MSR1: variants seen among roughly 807,000 people sequenced by gnomAD.
MSR1 encodes the protein macrophage scavenger receptor types I and II.
In MSR1, 53 loss-of-function variants were observed where a neutral mutation model predicts 47.2. That is an observed-to-expected ratio of 1.12 (90% CI 0.90 to 1.41). MSR1 has a LOEUF of 1.41. Among genes scored for constraint, MSR1 ranks in the 40% most tolerant of loss-of-function variants. The probability of loss-of-function intolerance (pLI) is 0.00; values close to 1 mark genes in which losing one functional copy is unlikely to be tolerated. For synonymous variants in MSR1, 239 were observed against 185.6 expected (o/e 1.29, Z -2.34); for missense variants, 786 against 546.9 (o/e 1.44, Z -4.36).
rs1317927571 is a variant in MSR1, at chr8:16,144,611, C to G, written c.980-1000G>C. Among the ~76,000 whole-genome samples, 3 of 152,070 alleles carry G rather than the reference C, an allele frequency of 2.0e-5. No individual in the cohort carries two copies. The East Asian group carries it at 5.8e-4, about 29-fold the overall frequency. On this transcript the variant is annotated intron_variant, in intron 7 of 9. Transcript: ENST00000262101. ...TTGAGTTATTTTGCTCTGCTACTTA[C>G]TGGGTATGTGACTTGGGACAAGTCT...
chr8:16,114,035 A>G (rs1378296441), intron 9 of MSR1, among the ~76,000 whole-genome samples: 1 of 152,086 alleles, frequency 6.6e-6, no homozygotes, highest in East Asian at 1.9e-4. Context: ...CCAGCCCTAT[A>G]CTACTTTCCA....
chr8:16,132,464 T>C (rs766966366), intron 8 of MSR1, among the ~76,000 whole-genome samples: 4 of 152,068 alleles, frequency 2.6e-5, no homozygotes, highest in African/African-American at 9.7e-5. Context: ...TCTTTCTATT[T>C]TGATACTGTG....
At chr8:16,120,221 C>T (rs527824350) in intron 9 of MSR1, among the ~76,000 whole-genome samples, 197 bp downstream of exon 9, 1 of 151,790 alleles carries the variant, frequency 6.6e-6, no homozygotes, top group African/African-American at 2.4e-5. Context: ...ACTAAAAATA[C>T]AAAAAATGAG....
intron 8 of MSR1, among the ~76,000 whole-genome samples, chr8:16,142,934 C>T (rs1160608436): frequency 6.6e-6 from 1 of 152,094 alleles, no homozygotes; most frequent in Admixed American, 6.6e-5. Flanking sequence ...AGCCTAGACA[C>T]AACAATTGAC....
chr8:16,190,487 T>C (rs949157375), intron 1 of MSR1, among the ~76,000 whole-genome samples: 1 of 152,120 alleles, frequency 6.6e-6, no homozygotes, highest in Non-Finnish European at 1.5e-5. Context: ...TTTTTTATTA[T>C]TAATGTAAGA....
Position 16,150,887 on chromosome 8 carries a change from T to C in MSR1, c.899-576A>G, listed in dbSNP as rs73665218. ...ACACACACACACACACACACACACA[T>C]GCGATACACAGATTTACTTATGAGT... On this transcript the variant is annotated intron_variant, in intron 6 of 9. Coordinates refer to ENST00000262101, the MANE Select transcript of MSR1 (RefSeq NM_138715.3). Among the ~76,000 whole-genome samples, 409 of 85,990 alleles carry C rather than the reference T, an allele frequency of 4.8e-3. 3 individuals are homozygous for C. The highest frequency in any genetic ancestry group is 0.017 in the East Asian group (34 of 1,950). 56.4% of individuals were successfully genotyped at this position (85,990 alleles called of 152,430 possible).
At chr8:16,166,815 C>A (rs935957457) in intron 4 of MSR1, among the ~76,000 whole-genome samples, 2 of 152,066 alleles carry the variant, frequency 1.3e-5, no homozygotes, top group African/African-American at 4.8e-5. Context: ...ACGCCATTTA[C>A]AAATTCAGGC....
chr8:16,176,340 C>T (rs1168544005), intron 2 of MSR1, among the ~76,000 whole-genome samples: 2 of 151,836 alleles, frequency 1.3e-5, no homozygotes, highest in East Asian at 1.9e-4. Flanking sequence ...AACCCTGGCT[C>T]TACAAAAACT....
intron 8 of MSR1, among the ~76,000 whole-genome samples, chr8:16,123,519 AG>A (rs1800055050): frequency 2.5e-5 from 1 of 40,574 alleles, no homozygotes; most frequent in Non-Finnish European, 6.3e-5. Context: ...TTAGTCAGAT[AG>A]GGCTTTTTTT....
intron 3 of MSR1, among the ~76,000 whole-genome samples, chr8:16,170,914 C>T (rs1335899633): frequency 2.0e-5 from 3 of 152,128 alleles, no homozygotes; most frequent in African/African-American, 7.2e-5. Flanking sequence ...ATATCTATTC[C>T]TCTAAAGTGC....
chr8:16,191,641 C>T (rs745829156), intron 1 of MSR1, among the ~76,000 whole-genome samples: 5 of 152,000 alleles, frequency 3.3e-5, no homozygotes, highest in Non-Finnish European at 4.4e-5. Flanking sequence ...AGTCAAGTTA[C>T]TCAACTAGGG....
chr8:16,174,021 A>G (rs1203446564), intron 3 of MSR1, among the ~76,000 whole-genome samples: 1 of 152,212 alleles, frequency 6.6e-6, no homozygotes, highest in Non-Finnish European at 1.5e-5. Flanking sequence ...ACAAGAGACC[A>G]GAGTAACTCG....
At chr8:16,142,308 C>A (rs141511839) in intron 8 of MSR1, among the ~76,000 whole-genome samples, 1 of 151,982 alleles carries the variant, frequency 6.6e-6, no homozygotes, top group Admixed American at 6.6e-5. Flanking sequence ...TCCATCCTGG[C>A]GACAGAGCGA....
At chr8:16,142,357 A>C (rs1480245156) in intron 8 of MSR1, among the ~76,000 whole-genome samples, 2 of 152,150 alleles carry the variant, frequency 1.3e-5, no homozygotes, top group South Asian at 2.1e-4. Flanking sequence ...AAACAAAAAA[A>C]CAAAAAAGTA....
intron 1 of MSR1, among the ~76,000 whole-genome samples, chr8:16,183,489 T>C (rs981199456): frequency 6.8e-6 from 1 of 147,926 alleles, no homozygotes; most frequent in Non-Finnish European, 1.5e-5. Context: ...TGAATAACTA[T>C]ATAGATATAA....
chr8:16,164,966 T>A (rs1801263343), intron 4 of MSR1, among the ~76,000 whole-genome samples: 1 of 152,114 alleles, frequency 6.6e-6, no homozygotes, highest in Non-Finnish European at 1.5e-5. Flanking sequence ...TCTATTAAAA[T>A]ACTTTAGAGA....
At chr8:16,185,533 G>A (rs984028891) in intron 1 of MSR1, among the ~76,000 whole-genome samples, 4 of 151,910 alleles carry the variant, frequency 2.6e-5, no homozygotes, top group Admixed American at 6.6e-5. Flanking sequence ...GGAATATGCC[G>A]GCAAAGCACA....
intron 8 of MSR1, chr8:16,139,370 T>G: frequency 1.1e-6 from 1 of 935,150 alleles, no homozygotes; most frequent in Non-Finnish European, 1.3e-6. Context: ...ACACACAATA[T>G]CTTACTTGAT....
Position 16,168,531 on chromosome 8 carries a change from G to A in MSR1, c.557C>T (p.Thr186Ile). The change falls in exon 4 of 10, where the codon ACA (threonine) becomes ATA (isoleucine). Residue 186 changes from threonine to isoleucine, a missense_variant. Transcript: ENST00000262101. ...TATGTTGAGCTGCAAATCAAGCAAT[G>A]TGGTATTCAAACTTATTAAGGACTT... Reference protein sequence around the residue: ...ISKSLISLNTTLLDLQLNIEN... With the variant: ...ISKSLISLNTILLDLQLNIEN... 1.9e-6 allele frequency: 3 copies of A among 1,614,122 alleles called. No homozygotes were observed. The highest frequency in any genetic ancestry group is 1.7e-6 in the Non-Finnish European group (2 of 1,179,992).
Sources: gnomAD v4.1 joint callset for allele counts (sites outside exome capture counted in the v4.1 genomes callset) on GRCh38, gnomAD v4.1.1 for gene constraint, MANE v1.5 for transcripts, NCBI Gene and HGNC (gene_info 2026-07-23, HGNC 2026-07-21) for gene names.